The following DPF3 variants were observed in gnomAD, a reference collection of about 807,000 sequenced individuals.
DPF3 encodes zinc finger protein DPF3.
Under a neutral mutation model 56.8 loss-of-function variants are expected in DPF3, and 18 were observed. The observed-to-expected ratio is 0.32, with a 90% CI of 0.22 to 0.47. The LOEUF (loss-of-function observed/expected upper bound fraction) is 0.47, where lower values mean the gene tolerates loss of function less well. Ranked by LOEUF, DPF3 falls within the 20% of genes least tolerant of loss-of-function variation. The pLI is 1.00. For synonymous variants in DPF3, 188 were observed against 180.2 expected (o/e 1.04, Z -0.35); for missense variants, 403 against 488.8 (o/e 0.82, Z 1.65).
chr14:72,677,345 T>C (rs1013174988), intron 7 of DPF3, among the ~76,000 whole-genome samples: 3 of 152,206 alleles, frequency 2.0e-5, no homozygotes, highest in Non-Finnish European at 4.4e-5. Flanking sequence ...AATGGACTAA[T>C]TGCTTATGCA....
At chr14:72,804,855 G>C (rs1301401851) in intron 1 of DPF3, among the ~76,000 whole-genome samples, 1 of 152,172 alleles carries the variant, frequency 6.6e-6, no homozygotes, top group Non-Finnish European at 1.5e-5. Context: ...ACAGAGACAA[G>C]AAATCAGAAT....
At chr14:72,762,504 T>C (rs961050163) in intron 2 of DPF3, among the ~76,000 whole-genome samples, 15 of 151,452 alleles carry the variant, frequency 9.9e-5, no homozygotes, top group Middle Eastern at 3.4e-3. Flanking sequence ...ATCATCTCAA[T>C]AGACACAGAA....
intron 1 of DPF3, among the ~76,000 whole-genome samples, chr14:72,865,842 T>A (rs2140104293): frequency 6.6e-6 from 1 of 151,910 alleles, no homozygotes; most frequent in Non-Finnish European, 1.5e-5. Flanking sequence ...AGGTCAGGAG[T>A]TTGAGACCAG....
intron 8 of DPF3, among the ~76,000 whole-genome samples, chr14:72,667,548 A>C (rs1886491970): frequency 6.6e-6 from 1 of 152,202 alleles, no homozygotes; most frequent in South Asian, 2.1e-4. Flanking sequence ...GAGTAGTGAT[A>C]CTTATTTAAC....
At chr14:72,643,427 G>A (rs1383759248) in intron 8 of DPF3, among the ~76,000 whole-genome samples, 1 of 152,174 alleles carries the variant, frequency 6.6e-6, no homozygotes, top group Non-Finnish European at 1.5e-5. Context: ...TCACCATCTG[G>A]CAGTGACTAA....
intron 4 of DPF3, chr14:72,724,063 T>G (rs748168281): frequency 5.0e-6 from 1 of 201,810 alleles, no homozygotes; most frequent in Non-Finnish European, 9.8e-6. Context: ...CTTTTGTAAA[T>G]GTAATGTTTC....
intron 7 of DPF3, among the ~76,000 whole-genome samples, chr14:72,679,923 GGA>G (rs1275900541): frequency 6.6e-6 from 1 of 152,254 alleles, no homozygotes; most frequent in East Asian, 1.9e-4. Context: ...GAGTAAGGGT[GGA>G]CCCCGACGTG....
At chr14:72,779,875 C>A (rs112904127) in intron 1 of DPF3, among the ~76,000 whole-genome samples, 26 of 152,344 alleles carry the variant, frequency 1.7e-4, no homozygotes, top group African/African-American at 6.3e-4. Context: ...AAACCTCTGT[C>A]CCAGGACAGA....
intron 6 of DPF3, among the ~76,000 whole-genome samples, chr14:72,702,572 C>T (rs755587847): frequency 2.6e-5 from 4 of 152,184 alleles, no homozygotes; most frequent in Non-Finnish European, 2.9e-5. Context: ...CCTACCAGAC[C>T]GGCTCGTAGA....
intron 9 of DPF3, among the ~76,000 whole-genome samples, chr14:72,622,904 A>G (rs963575115): frequency 1.3e-5 from 2 of 152,174 alleles, no homozygotes; most frequent in African/African-American, 2.4e-5. Flanking sequence ...AATCCTCTAC[A>G]TTTACACTAT....
At chr14:72,655,336 C>A (rs1301109041) in intron 8 of DPF3, among the ~76,000 whole-genome samples, 1 of 152,024 alleles carries the variant, frequency 6.6e-6, no homozygotes, top group Non-Finnish European at 1.5e-5. Flanking sequence ...CTAATAAGAC[C>A]TTTCCTCCCC....
chr14:72,652,309 G>C (rs1885933935), intron 8 of DPF3, among the ~76,000 whole-genome samples: 1 of 152,170 alleles, frequency 6.6e-6, no homozygotes, highest in South Asian at 2.1e-4. Flanking sequence ...TGGTCCCCAT[G>C]ACTCATTGGT....
At chr14:72,658,640 A>G (rs999964815) in intron 8 of DPF3, among the ~76,000 whole-genome samples, 40 of 152,228 alleles carry the variant, frequency 2.6e-4, no homozygotes, top group African/African-American at 7.5e-4. Context: ...TGGTGGAGCC[A>G]TATCTTGAAT....
chr14:72,706,892 T>G, intron 6 of DPF3, among the ~76,000 whole-genome samples: 1 of 152,092 alleles, frequency 6.6e-6, no homozygotes. Context: ...TAGTTACATA[T>G]GTATACATGT....
chr14:72,830,372 T>C (rs1041822317), intron 1 of DPF3, among the ~76,000 whole-genome samples: 1 of 152,216 alleles, frequency 6.6e-6, no homozygotes, highest in African/African-American at 2.4e-5. Flanking sequence ...TGTCCTTATA[T>C]TTTGGATCAG....
At chr14:72,746,831 C>T (rs1021954102) in intron 3 of DPF3, among the ~76,000 whole-genome samples, 4 of 152,358 alleles carry the variant, frequency 2.6e-5, no homozygotes, top group Middle Eastern at 3.4e-3. Context: ...AGATACAAGA[C>T]GCCATGTGCA....
intron 2 of DPF3, among the ~76,000 whole-genome samples, chr14:72,754,983 T>A (rs1890731075): frequency 6.6e-6 from 1 of 152,222 alleles, no homozygotes; most frequent in Non-Finnish European, 1.5e-5. Context: ...GAATGACCAT[T>A]GGCCCTGCTG....
At chr14:72,665,319 C>T (rs2153569742) in intron 8 of DPF3, among the ~76,000 whole-genome samples, 1 of 152,318 alleles carries the variant, frequency 6.6e-6, no homozygotes, top group East Asian at 1.9e-4. Context: ...TGAGCAGTCA[C>T]ACGCATACTG....
At chr14:72,706,514 G>T (rs536248765) in intron 6 of DPF3, among the ~76,000 whole-genome samples, 1 of 152,258 alleles carries the variant, frequency 6.6e-6, no homozygotes, top group Non-Finnish European at 1.5e-5. Context: ...ATCACAGTCA[G>T]CTTTCCCACT....
Sources: allele counts gnomAD v4.1 joint callset (sites outside exome capture counted in the v4.1 genomes callset), GRCh38; gene constraint gnomAD v4.1.1; transcripts MANE v1.5; gene names NCBI Gene and HGNC (gene_info 2026-07-23, HGNC 2026-07-21).